ZNF148: variants seen among roughly 807,000 people sequenced by gnomAD.
The protein encoded by ZNF148 is zinc finger protein 148, also known as Beta-Enolase Repressor Factor-1.
In ZNF148, 7 loss-of-function variants were observed where a neutral mutation model predicts 67.7. The observed-to-expected ratio is 0.10, with a 90% CI of 0.06 to 0.19. ZNF148 has a LOEUF of 0.19. Among genes scored for constraint, ZNF148 ranks in the 10% least tolerant of loss-of-function variants. The probability of loss-of-function intolerance (pLI) is 1.00; values close to 1 mark genes in which losing one functional copy is unlikely to be tolerated. For missense variants in ZNF148, 583 were observed against 947.1 expected (o/e 0.62, Z 5.05); for synonymous variants, 333 against 330.7 (o/e 1.01, Z -0.08).
At chr3:125,236,723 T>C (rs1056161526) in intron 7 of ZNF148, among the ~76,000 whole-genome samples, 4 of 152,210 alleles carry the variant, frequency 2.6e-5, no homozygotes, top group African/African-American at 7.2e-5. Context: ...GCTTTTGAGC[T>C]GTGCTCTTTC....
intron 1 of ZNF148, among the ~76,000 whole-genome samples, chr3:125,345,826 C>T (rs1428677186): frequency 6.6e-6 from 1 of 151,818 alleles, no homozygotes; most frequent in African/African-American, 2.4e-5. Context: ...ATTTAAAAGC[C>T]CCCCCAACTG....
intron 4 of ZNF148, among the ~76,000 whole-genome samples, chr3:125,301,016 T>C (rs935478446): frequency 6.6e-6 from 1 of 152,228 alleles, no homozygotes; most frequent in African/African-American, 2.4e-5. Flanking sequence ...TCTAATATAG[T>C]GCTATCTAAT....
chr3:125,348,915 G>A (rs1418265241), intron 1 of ZNF148, among the ~76,000 whole-genome samples: 1 of 152,100 alleles, frequency 6.6e-6, no homozygotes, highest in East Asian at 1.9e-4. Flanking sequence ...AGAACAGAAA[G>A]CCCAGAAATA....
chr3:125,274,252 A>C (rs1483251896), intron 7 of ZNF148, among the ~76,000 whole-genome samples: 1 of 152,228 alleles, frequency 6.6e-6, no homozygotes. Context: ...AATTATAATT[A>C]TCTTCGACCT....
intron 4 of ZNF148, among the ~76,000 whole-genome samples, chr3:125,295,948 G>A (rs909160167): frequency 1.3e-5 from 2 of 151,978 alleles, no homozygotes; most frequent in Non-Finnish European, 2.9e-5. Context: ...CAATTAATAG[G>A]TGTGTAACTG....
chr3:125,363,674 T>A (rs1942613847), intron 1 of ZNF148, among the ~76,000 whole-genome samples: 1 of 151,338 alleles, frequency 6.6e-6, no homozygotes, highest in Non-Finnish European at 1.5e-5. Flanking sequence ...TTTTTTTTTT[T>A]GAGACAGGGT....
At chr3:125,294,052 G>A (rs1042782771) in intron 4 of ZNF148, among the ~76,000 whole-genome samples, 8 of 152,258 alleles carry the variant, frequency 5.3e-5, no homozygotes, top group Non-Finnish European at 1.0e-4. Context: ...ATGTGCCCCC[G>A]ATATGATGCA....
At chr3:125,337,628 G>GAT (rs1201800374) in intron 1 of ZNF148, among the ~76,000 whole-genome samples, 1 of 150,522 alleles carries the variant, frequency 6.6e-6, no homozygotes, top group Non-Finnish European at 1.5e-5. Context: ...ACCATATTCT[G>GAT]ATAAAGTACT....
intron 7 of ZNF148, among the ~76,000 whole-genome samples, chr3:125,242,343 G>C (rs181784078): frequency 1.3e-5 from 2 of 152,140 alleles, no homozygotes; most frequent in African/African-American, 4.8e-5. Flanking sequence ...TCATATGGCC[G>C]GGTGCAGTGG....
At chr3:125,300,380 A>G (rs1255209566) in intron 4 of ZNF148, among the ~76,000 whole-genome samples, 1 of 152,218 alleles carries the variant, frequency 6.6e-6, no homozygotes, top group African/African-American at 2.4e-5. Flanking sequence ...CAAAACTACT[A>G]CTGAATCCCT....
At chr3:125,285,658 T>C (rs1232267447) in intron 5 of ZNF148, among the ~76,000 whole-genome samples, 2 of 152,094 alleles carry the variant, frequency 1.3e-5, no homozygotes, top group African/African-American at 4.8e-5. Context: ...CCTCCCAAAG[T>C]GCTAGGATTA....
intron 7 of ZNF148, among the ~76,000 whole-genome samples, chr3:125,272,964 A>C (rs1233792482): frequency 1.3e-5 from 2 of 152,232 alleles, no homozygotes. Context: ...CAGTTACACA[A>C]ACAGTATTCA....
At chr3:125,330,645 T>C (rs900422635) in intron 2 of ZNF148, among the ~76,000 whole-genome samples, 17 of 152,014 alleles carry the variant, frequency 1.1e-4, no homozygotes, top group African/African-American at 2.2e-4. Flanking sequence ...CTGGGCAACA[T>C]AGTCGAGACC....
intron 6 of ZNF148, 108 bp downstream of exon 6, chr3:125,279,016 A>T: frequency 1.7e-6 from 2 of 1,180,614 alleles, no homozygotes; most frequent in Admixed American, 5.7e-5. Flanking sequence ...TCTGATTTGG[A>T]ATGCCAGATT....
At chr3:125,263,670 G>C (rs1253630540) in intron 7 of ZNF148, among the ~76,000 whole-genome samples, 3 of 151,988 alleles carry the variant, frequency 2.0e-5, no homozygotes, top group Admixed American at 1.3e-4. Flanking sequence ...TCTAATATTT[G>C]GTCTTTGTCC....
upstream of ZNF148, chr3:125,375,352 G>C (rs976772002): frequency 6.6e-6 from 1 of 152,516 alleles, no homozygotes; most frequent in African/African-American, 2.4e-5. Context: ...CGCCGCGGTC[G>C]CCGCCACTGC....
At position 125,286,088 on chromosome 3, in the gene ZNF148, G is replaced by C. The variant is rs141898983; in HGVS notation, c.459+2015C>G. ...TACCCCATAGATCAGCAATGAATCC[G>C]AAGTAACAACCAATCACTATCACAA... is the stretch of plus-strand genomic sequence containing the variant. On this transcript the variant is annotated intron_variant, in intron 5 of 8. Coordinates refer to ENST00000360647, the MANE Select transcript of ZNF148 (RefSeq NM_021964.3). Among the ~76,000 whole-genome samples the C allele has an allele frequency of 6.6e-5, 10 of 152,218 alleles. No homozygotes were observed. In the East Asian group the frequency reaches 1.7e-3, roughly 26 times the overall value.
chr3:125,351,104 G>A (rs924078156), intron 1 of ZNF148, among the ~76,000 whole-genome samples: 1 of 152,170 alleles, frequency 6.6e-6, no homozygotes, highest in Non-Finnish European at 1.5e-5. Context: ...CACTCTGAGT[G>A]ACCAAGATGG....
At chr3:125,269,306 G>A (rs561881786) in intron 7 of ZNF148, among the ~76,000 whole-genome samples, 6 of 151,434 alleles carry the variant, frequency 4.0e-5, no homozygotes, top group South Asian at 4.2e-4. Context: ...GCTTGAGCCC[G>A]GGAGGTTGAG....
Sources: allele counts gnomAD v4.1 joint callset (sites outside exome capture counted in the v4.1 genomes callset), GRCh38; gene constraint gnomAD v4.1.1; transcripts MANE v1.5; gene names NCBI Gene and HGNC (gene_info 2026-07-23, HGNC 2026-07-21).